The following RAB6A variants were observed in gnomAD, a reference collection of about 807,000 sequenced individuals.
RAB6A encodes the protein ras-related protein Rab-6A.
Under a neutral mutation model 32.3 loss-of-function variants are expected in RAB6A, and 8 were observed. That is an observed-to-expected ratio of 0.25 (90% confidence interval 0.15 to 0.45). The LOEUF is 0.45. RAB6A is among the 20% of genes least tolerant of loss of function. The pLI is 1.00. For synonymous variants in RAB6A, 73 were observed against 82.1 expected (o/e 0.89, Z 0.60); for missense variants, 104 against 249.4 (o/e 0.42, Z 3.93).
intron 6 of RAB6A, among the ~76,000 whole-genome samples, chr11:73,687,698 A>G (rs551585447): frequency 6.6e-6 from 1 of 152,330 alleles, no homozygotes; most frequent in African/African-American, 2.4e-5. Context: ...TCTTTTAAAA[A>G]TACAAAAAAT....
intron 1 of RAB6A, among the ~76,000 whole-genome samples, chr11:73,750,350 T>C (rs955082749): frequency 6.8e-6 from 1 of 146,206 alleles, no homozygotes; most frequent in East Asian, 2.0e-4. Flanking sequence ...TTCCTTCCCT[T>C]TTTTTTTTTT....
At chr11:73,752,270 A>G (rs759883832) in intron 1 of RAB6A, among the ~76,000 whole-genome samples, 3 of 152,178 alleles carry the variant, frequency 2.0e-5, no homozygotes, top group African/African-American at 7.2e-5. Flanking sequence ...CCAGTCTGAC[A>G]AACAGTGAAA....
chr11:73,706,987 G>A (rs112231765), intron 6 of RAB6A, among the ~76,000 whole-genome samples: 1,655 of 151,972 alleles, frequency 0.011, 25 homozygotes, highest in African/African-American at 0.036. Context: ...GCATGGTGGC[G>A]CATGCCAGTA....
chr11:73,698,143 C>T (rs1367687532), intron 6 of RAB6A, among the ~76,000 whole-genome samples: 1 of 152,140 alleles, frequency 6.6e-6, no homozygotes, highest in Non-Finnish European at 1.5e-5. Context: ...ATCACTTGAA[C>T]CCTGGAGGCA....
rs1024603570 is a variant in RAB6A, at chr11:73,718,736, C to T, written c.184-18G>A. 3 of 1,613,738 alleles carry T rather than the reference C, an allele frequency of 1.9e-6. No individual in the cohort carries two copies. The highest frequency in any genetic ancestry group is 2.5e-6 in the Non-Finnish European group (3 of 1,179,878). On this transcript the variant is annotated intron_variant, in intron 3 of 7. Coordinates refer to ENST00000336083, the MANE Select transcript of RAB6A (RefSeq NM_198896.2). ...AATCGTACCTAACAACAAAATCAGTCAAACAAGCAAGAAAAATAAGAAAGG... is the reference window on the plus strand; with the variant it reads ...AATCGTACCTAACAACAAAATCAGTTAAACAAGCAAGAAAAATAAGAAAGG...
At position 73,716,330 on chromosome 11, in the gene RAB6A, T is replaced by C. The variant is rs1444591292; in HGVS notation, c.322A>G (p.Ile108Val). The C allele has an allele frequency of 6.2e-7, 1 of 1,613,224 alleles. No individual in the cohort carries two copies. The highest frequency in any genetic ancestry group is 1.3e-5 in the African/African-American group (1 of 74,864). The change falls in exon 5 of 8, where the codon ATT becomes GTT. Residue 108 changes from isoleucine to valine, a missense_variant. By Grantham distance (29) the Ile-to-Val change is conservative (BLOSUM62 3). Around this residue, in one of 4 missense-constraint regions of RAB6A, gnomAD observed 48 missense variants for 155.2 expected, o/e 0.31. Transcript: ENST00000336083. ...CCTCTTTCTGTTCTGACATCATCAA[T>C]CCACTTTGTAGTTTGCTGGAATGAG... is the stretch of plus-strand genomic sequence containing the variant. ...VNSFQQTTKW[I>V]DDVRTERGSD...
chr11:73,683,430 A>AT lies in RAB6A; in HGVS notation c.496-3711dup, dbSNP rs36019833. On this transcript the variant is annotated intron_variant, in intron 6 of 7. Coordinates refer to ENST00000336083, the MANE Select transcript of RAB6A (RefSeq NM_198896.2). ...GCCACCACACCTGGCTAATTTTTGT[A>AT]TTTTTTTTGTAGAAAAGAGGTTTTG... 3.4e-3 allele frequency among the ~76,000 whole-genome samples: 519 copies of AT among 150,754 alleles called. 10 individuals carry two copies. Among genetic ancestry groups the AT allele is most frequent in the East Asian group, 0.023 (115 of 5,110 alleles).
intron 6 of RAB6A, among the ~76,000 whole-genome samples, chr11:73,696,209 T>G (rs899314374): frequency 6.6e-6 from 1 of 152,108 alleles, no homozygotes; most frequent in Non-Finnish European, 1.5e-5. Flanking sequence ...TATTTTTATT[T>G]TTATTGAGAC....
intron 1 of RAB6A, among the ~76,000 whole-genome samples, chr11:73,735,940 A>T: frequency 7.3e-6 from 1 of 137,562 alleles, no homozygotes. Context: ...AAAAAAAAAG[A>T]GAGAGAGAGA....
intron 6 of RAB6A, among the ~76,000 whole-genome samples, chr11:73,685,883 C>T (rs1266659249): frequency 1.2e-4 from 1 of 8,350 alleles, no homozygotes; most frequent in African/African-American, 2.0e-4. Flanking sequence ...GAAACTCCGT[C>T]TCAAAAAAAA....
At chr11:73,713,369 G>A (rs1299710569) in intron 5 of RAB6A, among the ~76,000 whole-genome samples, 2 of 152,198 alleles carry the variant, frequency 1.3e-5, no homozygotes, top group Non-Finnish European at 2.9e-5. Context: ...AGGAGATCAA[G>A]ACCATCCTGG....
In RAB6A at chr11:73,728,411, G is replaced by A. The variant is rs572331356; in HGVS notation, c.129+2354C>T. On this transcript the variant is annotated intron_variant, in intron 2 of 7. Coordinates refer to ENST00000336083, the MANE Select transcript of RAB6A (RefSeq NM_198896.2). The stretch of plus-strand genomic sequence containing the variant: ...TTTATGTGTACATTCAAATGATCAT[G>A]TGATTTTGTCCTTTATTTTATTCAA... 2.6e-5 allele frequency among the ~76,000 whole-genome samples: 4 copies of A among 152,088 alleles called. No homozygotes were observed. In the South Asian group the frequency reaches 6.2e-4, roughly 24 times the overall value.
intron 2 of RAB6A, chr11:73,722,626 C>A (rs1189704120): frequency 6.6e-6 from 1 of 151,414 alleles, no homozygotes; most frequent in South Asian, 2.1e-4. Flanking sequence ...TGAGCCACTA[C>A]ACCCTGCCTA....
intron 1 of RAB6A, among the ~76,000 whole-genome samples, chr11:73,741,699 T>C (rs1243895958): frequency 6.6e-5 from 10 of 152,096 alleles, no homozygotes; most frequent in Non-Finnish European, 1.2e-4. Context: ...TATCAAATCA[T>C]AGAAAGACAT....
intron 5 of RAB6A, among the ~76,000 whole-genome samples, chr11:73,713,090 T>C (rs4944859): frequency 0.91 from 139,229 of 152,172 alleles, 63,869 homozygotes; most frequent in East Asian, 1. Flanking sequence ...GTGAGAGGGG[T>C]ATTCTGTCTT....
chr11:73,748,917 G>C (rs923471441), intron 1 of RAB6A, among the ~76,000 whole-genome samples: 4 of 152,000 alleles, frequency 2.6e-5, no homozygotes, highest in Non-Finnish European at 5.9e-5. Context: ...TTGAGGTAAG[G>C]AGTTCAAGAC....
At chr11:73,689,116 T>C (rs907468991) in intron 6 of RAB6A, among the ~76,000 whole-genome samples, 3 of 142,816 alleles carry the variant, frequency 2.1e-5, no homozygotes, top group African/African-American at 5.5e-5. Flanking sequence ...AGGGAGACCC[T>C]GTCTCAAGAA....
intron 6 of RAB6A, among the ~76,000 whole-genome samples, chr11:73,688,902 G>A (rs1163285769): frequency 6.6e-6 from 1 of 152,152 alleles, no homozygotes; most frequent in African/African-American, 2.4e-5. Flanking sequence ...AAGCCGAGGT[G>A]GTTGGATCAT....
At chr11:73,721,447 A>G (rs1355530168) in intron 2 of RAB6A, among the ~76,000 whole-genome samples, 2 of 152,086 alleles carry the variant, frequency 1.3e-5, no homozygotes, top group Non-Finnish European at 2.9e-5. Context: ...TCTGTACCAC[A>G]CAATGATAGC....
Sources: gnomAD v4.1 joint callset for allele counts (sites outside exome capture counted in the v4.1 genomes callset) on GRCh38, gnomAD v4.1.1 for gene constraint, gnomAD v4.1.1 regional missense constraint, MANE v1.5 for transcripts, NCBI Gene and HGNC (gene_info 2026-07-23, HGNC 2026-07-21) for gene names.